PPP1R9A: variants seen among roughly 807,000 people sequenced by gnomAD.
PPP1R9A encodes the protein neurabin-1.
In PPP1R9A, 59 loss-of-function variants were observed where a neutral mutation model predicts 141.9. The observed-to-expected ratio is 0.42, with a 90% CI of 0.34 to 0.52. The LOEUF (loss-of-function observed/expected upper bound fraction) is 0.52, where lower values mean the gene tolerates loss of function less well. Among genes scored for constraint, PPP1R9A ranks in the 20% least tolerant of loss-of-function variants. The pLI is 0.10. For synonymous variants in PPP1R9A, 500 were observed against 569.7 expected, an observed-to-expected ratio of 0.88 and a Z score of 1.74; for missense variants, 1,444 against 1,611.9, an observed-to-expected ratio of 0.90 and a Z score of 1.78.
intron 7 of PPP1R9A, among the ~76,000 whole-genome samples, chr7:95,208,431 A>T (rs1397992169): frequency 1.3e-5 from 2 of 152,164 alleles, no homozygotes; most frequent in African/African-American, 4.8e-5. Context: ...AGTTTTTAGC[A>T]ATGTTTCTTA....
At chr7:95,069,126 C>T (rs2152126974) in intron 2 of PPP1R9A, among the ~76,000 whole-genome samples, 1 of 152,248 alleles carries the variant, frequency 6.6e-6, no homozygotes, top group South Asian at 2.1e-4. Context: ...GAAAAAAAGC[C>T]TGTACATGCT....
At chr7:95,191,076 A>G (rs1835429467) in intron 5 of PPP1R9A, among the ~76,000 whole-genome samples, 1 of 152,222 alleles carries the variant, frequency 6.6e-6, no homozygotes, top group African/African-American at 2.4e-5. Context: ...TAGAATCTTT[A>G]TGACTTCAAT....
chr7:95,181,650 T>C (rs1833842293), intron 5 of PPP1R9A, among the ~76,000 whole-genome samples: 1 of 139,106 alleles, frequency 7.2e-6, no homozygotes, highest in Non-Finnish European at 1.5e-5. Context: ...AATATATATA[T>C]TCCGTCACAT....
At chr7:94,926,435 A>C (rs1339826440) in intron 2 of PPP1R9A, among the ~76,000 whole-genome samples, 1 of 152,228 alleles carries the variant, frequency 6.6e-6, no homozygotes, top group Non-Finnish European at 1.5e-5. Flanking sequence ...AAAGCTTGTA[A>C]TTAGTTGCAA....
chr7:94,985,196 GAC>G (rs1255879095), intron 2 of PPP1R9A, among the ~76,000 whole-genome samples: 10 of 152,162 alleles, frequency 6.6e-5, no homozygotes, highest in African/African-American at 2.4e-4. Context: ...TGGTCTGAGA[GAC>G]AGTTTATTAT....
At position 94,948,025 on chromosome 7, in the gene PPP1R9A, C is replaced by A. The variant is rs148936664; in HGVS notation, c.1395+36517C>A. 3.8e-3 allele frequency among the ~76,000 whole-genome samples: 576 copies of A among 152,192 alleles called. 21 individuals are homozygous for A. The highest frequency in any genetic ancestry group is 0.034 in the East Asian group (176 of 5,158). On this transcript the variant is annotated intron_variant, in intron 2 of 19. Transcript: ENST00000433360. ...ATAATGGACCCATCCACCTGATGCT[C>A]AGCTCTGTATACAGTCCATCTAGGT...
intron 4 of PPP1R9A, among the ~76,000 whole-genome samples, chr7:95,143,641 A>G (rs1827087691): frequency 6.6e-6 from 1 of 152,150 alleles, no homozygotes; most frequent in South Asian, 2.1e-4. Context: ...TTTCCTCCTT[A>G]TGAAACCCCT....
chr7:95,146,133 C>T (rs921395370), intron 4 of PPP1R9A, among the ~76,000 whole-genome samples: 1 of 152,162 alleles, frequency 6.6e-6, no homozygotes, highest in Non-Finnish European at 1.5e-5. Flanking sequence ...AAAAGCATTC[C>T]TATTTCTCCA....
intron 2 of PPP1R9A, among the ~76,000 whole-genome samples, chr7:95,042,184 T>C (rs1291734888): frequency 2.0e-5 from 3 of 152,142 alleles, no homozygotes; most frequent in African/African-American, 7.2e-5. Flanking sequence ...GCATTTAAGA[T>C]GATACCAAAA....
chr7:94,908,759 G>A (rs540431554), intron 1 of PPP1R9A, among the ~76,000 whole-genome samples: 20 of 152,236 alleles, frequency 1.3e-4, no homozygotes, highest in African/African-American at 4.8e-4. Context: ...AGAATGGTCA[G>A]GGTAAAAGGA....
chr7:94,966,603 G>A (rs1798246715), intron 2 of PPP1R9A, among the ~76,000 whole-genome samples: 1 of 152,126 alleles, frequency 6.6e-6, no homozygotes, highest in African/African-American at 2.4e-5. Context: ...TTCTGTTTAT[G>A]TGATGGATTA....
chr7:95,275,103 G>A (rs1366315771), intron 16 of PPP1R9A, among the ~76,000 whole-genome samples: 2 of 152,118 alleles, frequency 1.3e-5, no homozygotes, highest in African/African-American at 4.8e-5. Context: ...CATTTCATTT[G>A]ATCCTTATAG....
At chr7:95,056,141 C>T (rs560620422) in intron 2 of PPP1R9A, among the ~76,000 whole-genome samples, 1 of 152,074 alleles carries the variant, frequency 6.6e-6, no homozygotes, top group Non-Finnish European at 1.5e-5. Context: ...AAATGGCATG[C>T]ATATTTTACA....
intron 3 of PPP1R9A, among the ~76,000 whole-genome samples, chr7:95,117,847 C>T (rs552998198): frequency 6.6e-6 from 1 of 152,258 alleles, no homozygotes; most frequent in East Asian, 1.9e-4. Flanking sequence ...TACATATATA[C>T]ACCAGAGATT....
intron 8 of PPP1R9A, among the ~76,000 whole-genome samples, chr7:95,227,311 C>G (rs976320860): frequency 2.6e-5 from 4 of 152,170 alleles, no homozygotes; most frequent in Non-Finnish European, 4.4e-5. Flanking sequence ...AGTATGACCC[C>G]TAGTCTTTGG....
intron 1 of PPP1R9A, chr7:94,908,644 C>G (rs943586590): frequency 6.6e-6 from 1 of 152,240 alleles, no homozygotes; most frequent in African/African-American, 2.4e-5. Flanking sequence ...TTGAATCCCC[C>G]GGCGGCCCCA....
chr7:94,937,049 T>C (rs533352604), intron 2 of PPP1R9A, among the ~76,000 whole-genome samples: 1 of 152,146 alleles, frequency 6.6e-6, no homozygotes, highest in African/African-American at 2.4e-5. Context: ...TTTTAATAGC[T>C]CCGTAGTATA....
chr7:95,095,290 A>G (rs1211339378), intron 2 of PPP1R9A, among the ~76,000 whole-genome samples: 2 of 152,202 alleles, frequency 1.3e-5, no homozygotes. Context: ...TGTGGTGACA[A>G]CTGATTTAAG....
intron 2 of PPP1R9A, among the ~76,000 whole-genome samples, chr7:95,082,950 T>A (rs1001731988): frequency 1.2e-4 from 18 of 151,314 alleles, no homozygotes; most frequent in African/African-American, 4.1e-4. Flanking sequence ...AGAGACGGGG[T>A]TTCACCGTGT....
Sources: gnomAD v4.1 joint callset for allele counts (sites outside exome capture counted in the v4.1 genomes callset) on GRCh38, gnomAD v4.1.1 for gene constraint, MANE v1.5 for transcripts, NCBI Gene and HGNC (gene_info 2026-07-23, HGNC 2026-07-21) for gene names.